LRTM3: variants seen among roughly 807,000 people sequenced by gnomAD.
LRTM3 encodes the protein leucine-rich repeat transmembrane protein 3.
chr13:102,739,452 T>C, the LRTM3 span: 6 of 1,550,568 alleles, frequency 3.9e-6, no homozygotes, highest in Non-Finnish European at 5.2e-6. Context: ...CCCTTTAGAG[T>C]TCCTGACTTA....
the LRTM3 span, chr13:102,729,856 T>C: frequency 1.3e-6 from 2 of 1,551,954 alleles, no homozygotes; most frequent in Non-Finnish European, 1.7e-6. Flanking sequence ...ATAAATCAGA[T>C]CTGGCCTTCT....
chr13:102,741,805 A>G, the LRTM3 span: 21 of 1,550,482 alleles, frequency 1.4e-5, no homozygotes, highest in Non-Finnish European at 1.5e-5. Flanking sequence ...CTCTTTGTGC[A>G]ATGAGGAATT....
chr13:102,731,928 T>C, the LRTM3 span: 2 of 1,549,908 alleles, frequency 1.3e-6, no homozygotes, highest in Non-Finnish European at 1.7e-6. Context: ...TCTGGTTTTT[T>C]AATGATCCTT....
At chr13:102,755,274 C>G in the LRTM3 span, among the ~76,000 whole-genome samples, 1 of 143,524 alleles carries the variant, frequency 7.0e-6, no homozygotes, top group South Asian at 2.3e-4. Context: ...AAAATCCACT[C>G]CATCTCTAAT....
At chr13:102,741,681 T>TA in the LRTM3 span, 3 of 1,550,284 alleles carry the variant, frequency 1.9e-6, no homozygotes, top group African/African-American at 1.4e-5. Flanking sequence ...TCCAACTCTG[T>TA]AAAAAATATA....
chr13:102,740,391 G>C, the LRTM3 span: 6 of 1,550,086 alleles, frequency 3.9e-6, no homozygotes, highest in South Asian at 6.0e-5. Context: ...CCTGGTGTCC[G>C]GCTTGATAAA....
At chr13:102,741,080 T>G in the LRTM3 span, 1 of 1,550,140 alleles carries the variant, frequency 6.5e-7, no homozygotes, top group Non-Finnish European at 8.7e-7. Context: ...CTTGGGATTT[T>G]CAATATAAAG....
chr13:102,732,677 T>G, the LRTM3 span: 4 of 1,551,216 alleles, frequency 2.6e-6, no homozygotes, highest in East Asian at 9.8e-5. Flanking sequence ...AAGATGCGGG[T>G]GTGCACTACT....
the LRTM3 span, chr13:102,735,666 CCT>C: frequency 1.5e-5 from 24 of 1,551,074 alleles, no homozygotes; most frequent in Non-Finnish European, 1.9e-5. Context: ...TTCTCTTCTC[CCT>C]GTGCTGTGGG....
chr13:102,733,421 C>G, the LRTM3 span: 1,343 of 1,551,334 alleles, frequency 8.7e-4, 12 homozygotes, highest in African/African-American at 0.015. Context: ...GTGAGCGTAT[C>G]TCTCTGAAAC....
At chr13:102,756,065 T>A in the LRTM3 span, among the ~76,000 whole-genome samples, 4 of 148,840 alleles carry the variant, frequency 2.7e-5, no homozygotes, top group Admixed American at 2.7e-4. Context: ...GTTCAAGCCA[T>A]TCTCAGCCTC....
chr13:102,742,813 C>A, the LRTM3 span: 1 of 1,550,406 alleles, frequency 6.4e-7, no homozygotes, highest in African/African-American at 1.4e-5. Context: ...CAATTGCTGC[C>A]AAATTACAGA....
the LRTM3 span, chr13:102,736,707 G>A: frequency 2.6e-4 from 398 of 1,550,348 alleles, 4 homozygotes; most frequent in African/African-American, 5.0e-3. Context: ...TTTGTTTTTA[G>A]TATATGGGAA....
At chr13:102,732,353 C>A in the LRTM3 span, 1 of 1,551,288 alleles carries the variant, frequency 6.4e-7, no homozygotes, top group South Asian at 1.2e-5. Context: ...GCTTGGTGTA[C>A]CACGCCCCGT....
At chr13:102,741,353 A>G in the LRTM3 span, 1 of 1,549,452 alleles carries the variant, frequency 6.5e-7, no homozygotes, top group Non-Finnish European at 8.7e-7. Flanking sequence ...AGAATCCAGA[A>G]TACTTTCGGG....
the LRTM3 span, chr13:102,743,196 A>G: frequency 1.3e-6 from 2 of 1,550,462 alleles, no homozygotes; most frequent in East Asian, 2.4e-5. Context: ...CCCTTTACCA[A>G]GTTGGAAGTT....
the LRTM3 span, chr13:102,744,593 G>C: frequency 1.0e-5 from 16 of 1,550,406 alleles, no homozygotes; most frequent in African/African-American, 1.4e-5. Context: ...CACTATGTGA[G>C]ACAAATTCCA....
chr13:102,731,161 C>T, the LRTM3 span: 1 of 1,551,406 alleles, frequency 6.4e-7, no homozygotes, highest in Non-Finnish European at 8.7e-7. Flanking sequence ...TACTCTGTAG[C>T]TTTGTGATTG....
At chr13:102,733,649 T>A in the LRTM3 span, 11 of 1,550,530 alleles carry the variant, frequency 7.1e-6, no homozygotes, top group Non-Finnish European at 8.7e-6. Context: ...AGGCTGAGCC[T>A]TTTTCCCTGT....
Sources: allele counts gnomAD v4.1 joint callset (sites outside exome capture counted in the v4.1 genomes callset), GRCh38; gene constraint gnomAD v4.1.1; transcripts MANE v1.5; gene names NCBI Gene and HGNC (gene_info 2026-07-23, HGNC 2026-07-21).